The following LRRC72 variants were observed in gnomAD, a reference collection of about 807,000 sequenced individuals.
LRRC72 encodes leucine rich repeat containing 72, also known as leucine-rich repeat-containing protein 72.
Under a neutral mutation model 35.8 loss-of-function variants are expected in LRRC72, and 41 were observed. The ratio of observed to expected loss-of-function variants is 1.15; its 90% CI spans 0.89 to 1.49. The LOEUF (loss-of-function observed/expected upper bound fraction) is 1.49. Among genes scored for constraint, LRRC72 ranks in the 40% most tolerant of loss-of-function variants. The pLI, the probability that LRRC72 is intolerant of heterozygous loss-of-function variation, is 0.00. For synonymous variants in LRRC72, 118 were observed against 119.2 expected, an observed-to-expected ratio of 0.99 and a Z score of 0.07; for missense variants, 389 against 330.7, an observed-to-expected ratio of 1.18 and a Z score of -1.37.
At chr7:16,562,188 C>A (rs115210154) in intron 5 of LRRC72, among the ~76,000 whole-genome samples, 3,593 of 152,186 alleles carry the variant, frequency 0.024, 140 homozygotes, top group African/African-American at 0.082. Context: ...CAGGGGGCCC[C>A]ACCTCTTCTC....
Position 16,532,539 on chromosome 7 carries a change from T to C in LRRC72, c.135T>C (p.Ala45=). 6.5e-7 allele frequency: 1 copy of C among 1,550,004 alleles called. No individual in the cohort carries two copies. Among genetic ancestry groups the C allele is most frequent in the Non-Finnish European group, 8.7e-7 (1 of 1,146,376 alleles). The change falls in exon 2 of 9, where the codon GCT becomes GCC. Residue 45 remains alanine, a synonymous_variant. Coordinates refer to ENST00000401542, the MANE Select transcript of LRRC72 (RefSeq NM_001195280.2). ...QLKICGHRRD[A]DVFELFLSKK... ...AGATATGTGGCCACAGGAGGGATGC[T>C]GATGTCTTTGAGCTGTTCCTTTCTA... is the stretch of plus-strand genomic sequence containing the variant.
chr7:16,569,837 C>T (rs1396479140), intron 7 of LRRC72, among the ~76,000 whole-genome samples: 3 of 151,968 alleles, frequency 2.0e-5, no homozygotes, highest in Non-Finnish European at 2.9e-5. Context: ...TTGAGACCAG[C>T]CTGGACAACA....
At chr7:16,564,724 C>G (rs1324476363) in intron 5 of LRRC72, among the ~76,000 whole-genome samples, 1 of 152,018 alleles carries the variant, frequency 6.6e-6, no homozygotes, top group East Asian at 1.9e-4. Context: ...CTATATATAA[C>G]GCTTTTATTA....
chr7:16,546,582 C>G (rs562443013), intron 3 of LRRC72, among the ~76,000 whole-genome samples: 1 of 152,228 alleles, frequency 6.6e-6, no homozygotes, highest in African/African-American at 2.4e-5. Flanking sequence ...CTGCTCAAAA[C>G]CTCTGGTGGT....
chr7:16,545,413 G>T (rs1032668816), intron 3 of LRRC72, among the ~76,000 whole-genome samples: 1 of 152,064 alleles, frequency 6.6e-6, no homozygotes, highest in Admixed American at 6.5e-5. Context: ...TCTTTGAATG[G>T]CTGTACTTTT....
At chr7:16,576,043 C>T (rs2128339242) in intron 7 of LRRC72, among the ~76,000 whole-genome samples, 1 of 152,216 alleles carries the variant, frequency 6.6e-6, no homozygotes, top group South Asian at 2.1e-4. Flanking sequence ...TATTTTATTG[C>T]ATTTGAAACT....
intron 5 of LRRC72, among the ~76,000 whole-genome samples, chr7:16,565,793 G>A (rs973936132): frequency 6.6e-5 from 10 of 152,200 alleles, no homozygotes; most frequent in Non-Finnish European, 1.5e-4. Flanking sequence ...GTCCTGCTGA[G>A]ATCTGAAGCT....
In LRRC72 at chr7:16,552,872, C is replaced by T. The variant is rs114785200; in HGVS notation, c.235-4488C>T. 4.1e-3 allele frequency among the ~76,000 whole-genome samples: 621 copies of T among 152,266 alleles called. 4 individuals carry two copies. Among genetic ancestry groups the T allele is most frequent in the African/African-American group, 0.014 (565 of 41,560 alleles). On this transcript the variant is annotated intron_variant, in intron 3 of 8. Coordinates refer to ENST00000401542, the MANE Select transcript of LRRC72 (RefSeq NM_001195280.2). ...AGTGCAGTGGTTTCCAGCAGGTACT[C>T]AAGCCTGGGTCAAAGCCTACCCAGT...
intron 7 of LRRC72, among the ~76,000 whole-genome samples, chr7:16,573,942 G>T (rs115790266): frequency 0.016 from 2,389 of 152,170 alleles, 73 homozygotes; most frequent in African/African-American, 0.053. Context: ...ACAAGGAACT[G>T]AAACAAATTT....
Position 16,532,636 on chromosome 7 carries a change from G to C in LRRC72, c.164+68G>C, listed in dbSNP as rs375604431. The C allele has an allele frequency of 3.3e-5, 40 of 1,217,688 alleles. No individual in the cohort carries two copies. In the East Asian group the frequency reaches 4.3e-4, roughly 13 times the overall value. The allele number at this position is 1,217,688 out of a possible 1,614,324, so 75.4% of individuals were successfully genotyped here. A position where few individuals can be genotyped will look rare whatever the true frequency, so the allele number is the denominator to read the frequency against. On this transcript the variant is annotated intron_variant, in intron 2 of 8. Coordinates refer to ENST00000401542, the MANE Select transcript of LRRC72 (RefSeq NM_001195280.2). ...CATGATCATGTTAAAATGTTTCACA[G>C]ATTCAAATGTTATTTTCCATTTTTC...
intron 8 of LRRC72, 32 bp from the exon 9 acceptor site, chr7:16,581,292 T>C: frequency 7.0e-7 from 1 of 1,420,752 alleles, no homozygotes; most frequent in Non-Finnish European, 9.2e-7. Flanking sequence ...TTTGATTGCT[T>C]TTTTTCTGAC....
At chr7:16,577,894 G>C (rs936256573) in intron 7 of LRRC72, among the ~76,000 whole-genome samples, 3 of 152,130 alleles carry the variant, frequency 2.0e-5, no homozygotes, top group African/African-American at 7.2e-5. Flanking sequence ...GATGAGGGGG[G>C]AACGAGCACA....
intron 3 of LRRC72, among the ~76,000 whole-genome samples, chr7:16,548,298 G>A (rs987431854): frequency 6.6e-6 from 1 of 152,158 alleles, no homozygotes; most frequent in South Asian, 2.1e-4. Context: ...GCTGAATGGC[G>A]GGGCTAAAAG....
intron 3 of LRRC72, 58 bp downstream of exon 3, chr7:16,537,754 T>A (rs1782284706): frequency 1.1e-5 from 10 of 950,818 alleles, no homozygotes; most frequent in Non-Finnish European, 1.6e-5. Flanking sequence ...TAATTTTGTA[T>A]TCCTAATAGA....
chr7:16,529,353 C>T (rs1217933413), intron 1 of LRRC72, among the ~76,000 whole-genome samples: 2 of 152,138 alleles, frequency 1.3e-5, no homozygotes, highest in Non-Finnish European at 2.9e-5. Context: ...TCGGTTGTGC[C>T]CTGAAATCTT....
In LRRC72 at chr7:16,554,132, C is replaced by G. The variant is rs887125636; in HGVS notation, c.235-3228C>G. 9.2e-5 allele frequency among the ~76,000 whole-genome samples: 14 copies of G among 152,252 alleles called. No individual in the cohort carries two copies. The East Asian group carries it at 2.3e-3, about 25-fold the overall frequency. On this transcript the variant is annotated intron_variant, in intron 3 of 8. Coordinates refer to ENST00000401542, the MANE Select transcript of LRRC72 (RefSeq NM_001195280.2). ...TTATCTGAGGTCAGGGGTTCGAGAC[C>G]AGCCTGGCCAACATGGGGAAACCCC...
At position 16,550,846 on chromosome 7, in the gene LRRC72, G is replaced by A. The variant is rs534010393; in HGVS notation, c.235-6514G>A. On this transcript the variant is annotated intron_variant, in intron 3 of 8. Coordinates refer to ENST00000401542, the MANE Select transcript of LRRC72 (RefSeq NM_001195280.2). ...AATTTTGGTTAAATCAATATTCACT[G>A]GTATATTGTTATGACAAAGTATGCT... 3.3e-5 allele frequency among the ~76,000 whole-genome samples: 5 copies of A among 152,252 alleles called. No individual in the cohort carries two copies. The South Asian group carries it at 8.3e-4, about 25-fold the overall frequency.
intron 1 of LRRC72, 50 bp downstream of exon 1, chr7:16,527,092 C>G: frequency 6.9e-7 from 1 of 1,446,312 alleles, no homozygotes; most frequent in Non-Finnish European, 9.4e-7. Flanking sequence ...GCCCCCTGCC[C>G]CAGGGCCCCA....
intron 4 of LRRC72, among the ~76,000 whole-genome samples, chr7:16,557,993 T>C (rs1323626580): frequency 7.1e-6 from 1 of 141,068 alleles, no homozygotes; most frequent in Non-Finnish European, 1.5e-5. Flanking sequence ...CATGATGTCA[T>C]GCACCGCTAA....
Sources: allele counts gnomAD v4.1 joint callset (sites outside exome capture counted in the v4.1 genomes callset), GRCh38; gene constraint gnomAD v4.1.1; transcripts MANE v1.5; gene names NCBI Gene and HGNC (gene_info 2026-07-23, HGNC 2026-07-21).